The following PDS5A variants were observed in gnomAD, a reference collection of about 807,000 sequenced individuals.
PDS5A encodes the protein PDS5 cohesin associated factor A.
In PDS5A, 42 loss-of-function variants were observed where a neutral mutation model predicts 167.1. The observed-to-expected ratio is 0.25, with a 90% CI of 0.20 to 0.33. PDS5A has a LOEUF of 0.33. PDS5A is among the 10% of genes least tolerant of loss of function. PDS5A has a pLI of 1.00. For synonymous variants in PDS5A, 553 were observed against 554.6 expected (o/e 1.00, Z 0.04); for missense variants, 1,033 against 1,605.9 (o/e 0.64, Z 6.10).
chr4:39,868,307 T>C (rs1033952484), intron 22 of PDS5A, among the ~76,000 whole-genome samples: 7 of 151,150 alleles, frequency 4.6e-5, no homozygotes, highest in Middle Eastern at 3.6e-3. Context: ...ACTATAGGTA[T>C]GCACCACCAC....
At chr4:39,902,309 C>G in intron 13 of PDS5A, 38 bp downstream of exon 13, 1 of 923,416 alleles carries the variant, frequency 1.1e-6, no homozygotes, top group Non-Finnish European at 1.7e-6. Flanking sequence ...TTTACGAAAT[C>G]CTTAGAAAAT....
chr4:39,826,505 G>A (rs923564577), intron 32 of PDS5A, among the ~76,000 whole-genome samples: 10 of 33,956 alleles, frequency 2.9e-4, no homozygotes, highest in Non-Finnish European at 2.1e-4. Flanking sequence ...TTATTTATTT[G>A]AGATGGAGTC....
intron 18 of PDS5A, among the ~76,000 whole-genome samples, chr4:39,879,293 T>C (rs1463074344): frequency 2.6e-5 from 4 of 152,122 alleles, no homozygotes; most frequent in African/African-American, 2.4e-5. Context: ...GAACCAACCT[T>C]GTCTCCCATC....
At chr4:39,858,748 C>T (rs1006726196) in intron 26 of PDS5A, among the ~76,000 whole-genome samples, 5 of 152,138 alleles carry the variant, frequency 3.3e-5, no homozygotes, top group Admixed American at 2.0e-4. Context: ...CTCAGCCTCC[C>T]GAGTAGCTGG....
At chr4:39,898,081 A>G in intron 16 of PDS5A, 1 of 1,070,336 alleles carries the variant, frequency 9.3e-7, no homozygotes, top group Non-Finnish European at 1.1e-6. Context: ...AAGAAAATGC[A>G]CATGTACACA....
In PDS5A at chr4:39,920,417, C is replaced by A; in HGVS notation, c.655-18G>T. ...TTTAAGTTCTGAAAAATAATAAAAACATGGAAAGTTACAAATAAATGTTAA... is the reference window on the plus strand; with the variant it reads ...TTTAAGTTCTGAAAAATAATAAAAAAATGGAAAGTTACAAATAAATGTTAA... On this transcript the variant is annotated intron_variant, in intron 6 of 32. Coordinates refer to ENST00000303538, the MANE Select transcript of PDS5A (RefSeq NM_001100399.2). 8.7e-7 allele frequency: 1 copy of A among 1,150,122 alleles called. No individual in the cohort carries two copies. Among genetic ancestry groups the A allele is most frequent in the African/African-American group, 1.5e-5 (1 of 65,218 alleles). 71.2% of individuals were successfully genotyped at this position (1,150,122 alleles called of 1,614,324 possible). A position where few individuals can be genotyped will look rare whatever the true frequency, so the allele number is the denominator to read the frequency against.
intron 30 of PDS5A, among the ~76,000 whole-genome samples, chr4:39,844,212 C>T (rs1422525433): frequency 2.0e-5 from 3 of 152,030 alleles, no homozygotes; most frequent in East Asian, 1.9e-4. Flanking sequence ...CGGTGGCTTA[C>T]GCCTGTAATC....
rs1381263450 is a variant in PDS5A, at chr4:39,854,073, A to G, written c.3087-4421T>C. Reference sequence around the variant, plus strand: ...TCCCAGCACTTTGGGAGGTCAAAGCAGGTGGATCACCTGAGGCCAGGAGTT... The same window carrying G: ...TCCCAGCACTTTGGGAGGTCAAAGCGGGTGGATCACCTGAGGCCAGGAGTT... On this transcript the variant is annotated intron_variant, in intron 26 of 32. Coordinates refer to ENST00000303538, the MANE Select transcript of PDS5A (RefSeq NM_001100399.2). Among the ~76,000 whole-genome samples the G allele has an allele frequency of 1.2e-4, 18 of 152,184 alleles. 1 individual carries two copies. Among genetic ancestry groups the G allele is most frequent in the Admixed American group, 1.2e-3 (18 of 15,272 alleles).
chr4:39,854,487 G>A (rs554910097), intron 26 of PDS5A, among the ~76,000 whole-genome samples: 66 of 152,188 alleles, frequency 4.3e-4, no homozygotes, highest in Non-Finnish European at 7.1e-4. Flanking sequence ...CCTCCAGGTC[G>A]TTTTCTGATT....
chr4:39,977,218 C>T lies in PDS5A; in HGVS notation c.-41+239G>A, dbSNP rs900086171. Among the ~76,000 whole-genome samples the T allele has an allele frequency of 5.9e-5, 9 of 152,084 alleles. No individual in the cohort carries two copies. Among genetic ancestry groups the T allele is most frequent in the Non-Finnish European group, 1.0e-4 (7 of 67,992 alleles). On this transcript the variant is annotated intron_variant, in intron 1 of 32. Transcript: ENST00000303538. The surrounding 1 kb of genome is among the most constrained non-coding windows in gnomAD (Gnocchi z 4.2). ...AAGCCGCCCTCCACCCTCAGCCCCA[C>T]GCCAGGAAGCGGCTGACGCGCCTCC...
At chr4:39,882,953 G>GC (rs1721087455) in intron 17 of PDS5A, among the ~76,000 whole-genome samples, 1 of 152,062 alleles carries the variant, frequency 6.6e-6, no homozygotes, top group African/African-American at 2.4e-5. Flanking sequence ...ACTCCCATTG[G>GC]CAACTTCATC....
intron 14 of PDS5A, 44 bp from the exon 15 acceptor site, chr4:39,898,869 T>C (rs367550212): frequency 2.3e-6 from 3 of 1,306,984 alleles, no homozygotes; most frequent in Non-Finnish European, 3.2e-6. Flanking sequence ...GTCATATGTG[T>C]TAACAAATTT....
intron 2 of PDS5A, among the ~76,000 whole-genome samples, chr4:39,963,926 C>A (rs560713652): frequency 2.0e-5 from 3 of 151,818 alleles, no homozygotes; most frequent in Admixed American, 6.6e-5. Flanking sequence ...TTTTCCCCCC[C>A]AGACCGACTC....
chr4:39,829,778 T>C (rs373583630), intron 32 of PDS5A, among the ~76,000 whole-genome samples: 67 of 151,558 alleles, frequency 4.4e-4, no homozygotes, highest in South Asian at 2.5e-3. Context: ...GGTGAAACCC[T>C]GTCTCCACTA....
At chr4:39,839,949 CTGGG>C (rs1716818271) in intron 31 of PDS5A, among the ~76,000 whole-genome samples, 1 of 151,788 alleles carries the variant, frequency 6.6e-6, no homozygotes, top group Non-Finnish European at 1.5e-5. Flanking sequence ...CAAAAATTAG[CTGGG>C]CATGGTGGTG....
chr4:39,838,204 A>G lies in PDS5A; in HGVS notation c.3662T>C (p.Ile1221Thr), dbSNP rs1355110322. The G allele has an allele frequency of 6.5e-7, 1 of 1,549,548 alleles. No homozygotes were observed. Among genetic ancestry groups the G allele is most frequent in the African/African-American group, 1.4e-5 (1 of 72,350 alleles). The change falls in exon 32 of 33, where the codon ATT (isoleucine) becomes ACT (threonine). Residue 1221 changes from isoleucine to threonine, a missense_variant. Physicochemically the swap from Ile to Thr is moderately conservative, Grantham distance 89. Around this residue, in one of 4 missense-constraint regions of PDS5A, gnomAD observed 233 missense variants for 264.0 expected, o/e 0.88. Coordinates refer to ENST00000303538, the MANE Select transcript of PDS5A (RefSeq NM_001100399.2). The part of the protein sequence containing the change: ...KNIDPVKNKE[I>T]NSDQATQGNI... ...GCCCTGGGTAGCCTGATCAGAATTAATTTCCTAAAAAAGCACAAAACAATT... is the reference window on the plus strand; with the variant it reads ...GCCCTGGGTAGCCTGATCAGAATTAGTTTCCTAAAAAAGCACAAAACAATT...
chr4:39,857,129 G>A (rs1043301174), intron 26 of PDS5A, among the ~76,000 whole-genome samples: 1 of 152,092 alleles, frequency 6.6e-6, no homozygotes, highest in Admixed American at 6.6e-5. Flanking sequence ...AAGGCAGGTG[G>A]ATCACGAGGT....
intron 32 of PDS5A, among the ~76,000 whole-genome samples, chr4:39,832,881 C>T (rs1292104606): frequency 5.3e-5 from 8 of 151,308 alleles, no homozygotes; most frequent in African/African-American, 1.5e-4. Context: ...AGAGGCTGGG[C>T]GTGGTGGCTC....
At chr4:39,877,595 T>A (rs997307373) in intron 18 of PDS5A, among the ~76,000 whole-genome samples, 1 of 152,182 alleles carries the variant, frequency 6.6e-6, no homozygotes, top group Non-Finnish European at 1.5e-5. Context: ...AACTCAGAGC[T>A]TTCTTTGACT....
Sources: gnomAD v4.1 joint callset for allele counts (sites outside exome capture counted in the v4.1 genomes callset) on GRCh38, gnomAD v4.1.1 for gene constraint, gnomAD v4.1.1 regional missense constraint, Gnocchi (gnomAD v3.1) non-coding constraint, MANE v1.5 for transcripts, NCBI Gene and HGNC (gene_info 2026-07-23, HGNC 2026-07-21) for gene names.